ECT2L: variants seen among roughly 807,000 people sequenced by gnomAD.
ECT2L encodes the protein epithelial cell-transforming sequence 2 oncogene-like.
In ECT2L, 126 loss-of-function variants were observed where a neutral mutation model predicts 122.8. That is an observed-to-expected ratio of 1.03 (90% CI 0.89 to 1.19). The LOEUF is 1.19. Ranked by LOEUF, ECT2L falls within the 50% of genes most tolerant of loss-of-function variation. ECT2L has a pLI of 0.00. For synonymous variants in ECT2L, 385 were observed against 381.8 expected (o/e 1.01, Z -0.10); for missense variants, 1,012 against 1,064.1 (o/e 0.95, Z 0.68).
intron 20 of ECT2L, among the ~76,000 whole-genome samples, chr6:138,894,346 C>T (rs1469917242): frequency 9.2e-5 from 14 of 152,178 alleles, no homozygotes; most frequent in African/African-American, 2.9e-4. Context: ...TGAGCCACCA[C>T]ACCCGGCCTA....
intron 4 of ECT2L, among the ~76,000 whole-genome samples, chr6:138,834,932 C>T (rs1202589350): frequency 7.1e-6 from 1 of 141,420 alleles, no homozygotes; most frequent in African/African-American, 2.7e-5. Flanking sequence ...CACACACACA[C>T]ACACTCTCAT....
chr6:138,871,972 ATTTTT>A (rs989235520), intron 13 of ECT2L, among the ~76,000 whole-genome samples: 14 of 150,338 alleles, frequency 9.3e-5, no homozygotes, highest in Non-Finnish European at 2.1e-4. Flanking sequence ...TCTTTATTTT[ATTTTT>A]TAATTTTTTT....
chr6:138,877,451 GA>G (rs1443858292), intron 14 of ECT2L, among the ~76,000 whole-genome samples: 3 of 152,124 alleles, frequency 2.0e-5, no homozygotes, highest in Non-Finnish European at 2.9e-5. Flanking sequence ...GTTTGACAAT[GA>G]AAACCTTAGT....
chr6:138,876,687 A>T (rs890771535), intron 14 of ECT2L, 129 bp downstream of exon 14: 11 of 602,970 alleles, frequency 1.8e-5, no homozygotes, highest in Admixed American at 3.4e-5. Flanking sequence ...AAAAAACCTC[A>T]AAAATTATTA....
At chr6:138,884,404 T>C (rs1170149679) in intron 16 of ECT2L, among the ~76,000 whole-genome samples, 1 of 152,006 alleles carries the variant, frequency 6.6e-6, no homozygotes, top group African/African-American at 2.4e-5. Flanking sequence ...TTGAGAGGCC[T>C]AGGCAGGTGG....
chr6:138,844,420 T>C lies in ECT2L; in HGVS notation c.604T>C (p.Phe202Leu), dbSNP rs1422378633. The C allele has an allele frequency of 6.2e-7, 1 of 1,613,610 alleles. No homozygotes were observed. The highest frequency in any genetic ancestry group is 1.3e-5 in the African/African-American group (1 of 74,936). The change falls in exon 7 of 22, where the codon TTC becomes CTC. Residue 202 changes from phenylalanine to leucine, a missense_variant. Coordinates refer to ENST00000541398, the MANE Select transcript of ECT2L (RefSeq NM_001077706.3). The part of the protein sequence containing the change: ...EKIALRKKEL[F>L]KVRPPWVSGT... ...TGTTCTTTGTTTTTCAGAGGAGTTATTCAAAGTTCGACCCCCTTGGGTGAG... is the reference window on the plus strand; with the variant it reads ...TGTTCTTTGTTTTTCAGAGGAGTTACTCAAAGTTCGACCCCCTTGGGTGAG...
At chr6:138,893,751 T>C (rs1301312903) in intron 20 of ECT2L, among the ~76,000 whole-genome samples, 1 of 152,138 alleles carries the variant, frequency 6.6e-6, no homozygotes, top group Non-Finnish European at 1.5e-5. Context: ...TAGCTCTTCA[T>C]TGCAAGAATC....
chr6:138,894,052 T>C (rs1205110720), intron 20 of ECT2L, among the ~76,000 whole-genome samples: 10 of 152,182 alleles, frequency 6.6e-5, no homozygotes, highest in East Asian at 5.8e-4. Flanking sequence ...TTCCAAGCTC[T>C]TTCTTTTTAA....
chr6:138,838,866 C>A (rs184966502), intron 5 of ECT2L, among the ~76,000 whole-genome samples: 2 of 152,338 alleles, frequency 1.3e-5, no homozygotes, highest in Admixed American at 6.5e-5. Context: ...ACAACCTCCT[C>A]CGCCTCCTGG....
At chr6:138,807,632 A>AT (rs999153693) in intron 1 of ECT2L, among the ~76,000 whole-genome samples, 35 of 152,022 alleles carry the variant, frequency 2.3e-4, no homozygotes, top group Middle Eastern at 6.3e-3. Context: ...CCAGATACCA[A>AT]TTTTTTTTGT....
chr6:138,900,592 T>C (rs141326255), intron 20 of ECT2L, among the ~76,000 whole-genome samples: 123 of 152,306 alleles, frequency 8.1e-4, no homozygotes, highest in Admixed American at 1.4e-3. Flanking sequence ...TTTCTTCAGA[T>C]TGCCCAAATA....
Position 138,886,899 on chromosome 6 carries a change from CAGAG to C in ECT2L, c.2304_2307del (p.Arg769SerfsTer11), listed in dbSNP as rs1778842710. The C allele has an allele frequency of 6.2e-7, 1 of 1,613,330 alleles. No homozygotes were observed. Among genetic ancestry groups the C allele is most frequent in the African/African-American group, 1.3e-5 (1 of 74,880 alleles). On this transcript the variant is annotated frameshift_variant, in exon 19 of 22. Transcript: ENST00000541398. LOFTEE classifies it high-confidence loss of function. ...TATGAAGGATCATCTGTCAGATATA[CAGAG>C]AATCATCTGGGGATGCCCTGTATGT...
intron 5 of ECT2L, among the ~76,000 whole-genome samples, chr6:138,840,894 A>G (rs1777016473): frequency 6.6e-6 from 1 of 152,128 alleles, no homozygotes; most frequent in African/African-American, 2.4e-5. Flanking sequence ...CAATACTTAT[A>G]GGTTGGAAAG....
intron 12 of ECT2L, among the ~76,000 whole-genome samples, chr6:138,867,233 T>A (rs772249841): frequency 2.6e-5 from 4 of 152,214 alleles, no homozygotes; most frequent in Non-Finnish European, 5.9e-5. Context: ...ATTTATACAT[T>A]TCATTCAATA....
At chr6:138,827,799 C>T (rs1776503871) in intron 4 of ECT2L, among the ~76,000 whole-genome samples, 1 of 152,172 alleles carries the variant, frequency 6.6e-6, no homozygotes, top group East Asian at 1.9e-4. Context: ...CCTCAGTGAT[C>T]CACCAGCCTC....
In ECT2L at chr6:138,799,727, T is replaced by C. The variant is rs903394537; in HGVS notation, c.-244+3535T>C. On this transcript the variant is annotated intron_variant, in intron 1 of 21. Transcript: ENST00000541398. ...GGTGAATGCCGCCACACCTGGCTAA[T>C]TTTTGTACAGATGGGGCTTTGCCAT... Among the ~76,000 whole-genome samples, 10 of 152,192 alleles carry C rather than the reference T, an allele frequency of 6.6e-5. No homozygotes were observed. In the South Asian group the frequency reaches 1.0e-3, roughly 16 times the overall value.
intron 4 of ECT2L, among the ~76,000 whole-genome samples, chr6:138,825,005 C>T (rs905839562): frequency 6.6e-6 from 1 of 152,200 alleles, no homozygotes; most frequent in African/African-American, 2.4e-5. Context: ...CGTCATTTCC[C>T]ATGATCCAAG....
chr6:138,838,765 A>T (rs992245874), intron 5 of ECT2L, among the ~76,000 whole-genome samples: 3 of 152,192 alleles, frequency 2.0e-5, no homozygotes, highest in African/African-American at 7.2e-5. Flanking sequence ...TGTTTAGAAA[A>T]CATTTTATCT....
In ECT2L at chr6:138,882,719, C is replaced by T. The variant is rs1309288125; in HGVS notation, c.1881-5C>T. On this transcript the variant is annotated splice_polypyrimidine_tract_variant and splice_region_variant and intron_variant, in intron 15 of 21. Transcript: ENST00000541398. ...TTTCATGCTTATGCTCTTCTCATACCACAGGCAGTTTCTAGATAACCTGAG... is the reference window on the plus strand; with the variant it reads ...TTTCATGCTTATGCTCTTCTCATACTACAGGCAGTTTCTAGATAACCTGAG... The T allele has an allele frequency of 5.6e-6, 9 of 1,613,506 alleles. No homozygotes were observed. The highest frequency in any genetic ancestry group is 1.1e-5 in the South Asian group (1 of 90,892).
Sources: gnomAD v4.1 joint callset for allele counts (sites outside exome capture counted in the v4.1 genomes callset) on GRCh38, gnomAD v4.1.1 for gene constraint, MANE v1.5 for transcripts, NCBI Gene and HGNC (gene_info 2026-07-23, HGNC 2026-07-21) for gene names.